Variants in KCNMB2 observed in about 807,000 individuals in gnomAD.
KCNMB2 encodes calcium-activated potassium channel subunit beta-2.
Under a neutral mutation model 24.5 loss-of-function variants are expected in KCNMB2, and 9 were observed. That is an observed-to-expected ratio of 0.37 (90% CI 0.22 to 0.64). KCNMB2 has a LOEUF of 0.64. Among genes scored for constraint, KCNMB2 ranks in the 30% least tolerant of loss-of-function variants. KCNMB2 has a pLI of 0.63. For synonymous variants in KCNMB2, 109 were observed against 104.4 expected (o/e 1.04, Z -0.27); for missense variants, 226 against 284.3 (o/e 0.79, Z 1.47).
intron 1 of KCNMB2, among the ~76,000 whole-genome samples, chr3:178,703,218 C>G (rs1348419564): frequency 6.6e-6 from 1 of 151,920 alleles, no homozygotes; most frequent in South Asian, 2.1e-4. Context: ...TGCTAAGTGC[C>G]GAATACATTC....
chr3:178,814,731 A>G (rs962558156), intron 2 of KCNMB2, among the ~76,000 whole-genome samples: 9 of 152,138 alleles, frequency 5.9e-5, no homozygotes, highest in Admixed American at 4.6e-4. Flanking sequence ...AATGTTGAGT[A>G]CTTTTTCATG....
chr3:178,620,272 T>C (rs1461692295), intron 1 of KCNMB2, among the ~76,000 whole-genome samples: 1 of 152,136 alleles, frequency 6.6e-6, no homozygotes, highest in African/African-American at 2.4e-5. Context: ...GCCAAAATGC[T>C]AATAGCTGGA....
At chr3:178,587,224 T>A (rs1014656726) in intron 1 of KCNMB2, among the ~76,000 whole-genome samples, 2 of 152,094 alleles carry the variant, frequency 1.3e-5, no homozygotes, top group Non-Finnish European at 2.9e-5. Flanking sequence ...TCCAATCTAC[T>A]AGGAAAAATC....
intron 1 of KCNMB2, among the ~76,000 whole-genome samples, chr3:178,672,504 G>A (rs1415901425): frequency 6.6e-6 from 1 of 152,188 alleles, no homozygotes; most frequent in Non-Finnish European, 1.5e-5. Context: ...TAAAGAGCTT[G>A]TAGTTGGATA....
intron 1 of KCNMB2, among the ~76,000 whole-genome samples, chr3:178,747,746 G>A (rs976398306): frequency 4.0e-5 from 6 of 151,656 alleles, no homozygotes; most frequent in East Asian, 1.9e-4. Flanking sequence ...TCCTAACTTC[G>A]GCTCACCAAG....
intron 1 of KCNMB2, among the ~76,000 whole-genome samples, chr3:178,545,982 T>TTGG (rs1413387850): frequency 3.3e-5 from 5 of 152,212 alleles, no homozygotes; most frequent in African/African-American, 1.2e-4. Flanking sequence ...GGAACAGCCA[T>TTGG]GTGAGGCTCT....
chr3:178,658,118 C>T (rs1169267225), intron 1 of KCNMB2, among the ~76,000 whole-genome samples: 2 of 152,132 alleles, frequency 1.3e-5, no homozygotes, highest in Admixed American at 1.3e-4. Flanking sequence ...GAATCCCATC[C>T]AGCTTAAATG....
chr3:178,745,699 TG>T (rs1219988342), intron 1 of KCNMB2, among the ~76,000 whole-genome samples: 2 of 152,204 alleles, frequency 1.3e-5, no homozygotes, highest in Admixed American at 6.5e-5. Flanking sequence ...CTAGATACAA[TG>T]GGGGTACAGC....
chr3:178,641,481 C>T (rs1191522708), intron 1 of KCNMB2, among the ~76,000 whole-genome samples: 2 of 151,960 alleles, frequency 1.3e-5, no homozygotes, highest in African/African-American at 4.8e-5. Context: ...TTGTTTATTG[C>T]TAGTAAAAGG....
chr3:178,739,782 A>G (rs1399374743), intron 1 of KCNMB2, among the ~76,000 whole-genome samples: 1 of 152,184 alleles, frequency 6.6e-6, no homozygotes, highest in Non-Finnish European at 1.5e-5. Context: ...AAGTAGGCCT[A>G]AAGCATAAAA....
intron 1 of KCNMB2, among the ~76,000 whole-genome samples, chr3:178,653,766 T>C (rs9876689): frequency 0.14 from 21,234 of 152,094 alleles, 1,622 homozygotes; most frequent in Middle Eastern, 0.26. Flanking sequence ...AATTATAATT[T>C]TCATAAAATA....
At chr3:178,710,797 T>C (rs141563222) in intron 1 of KCNMB2, among the ~76,000 whole-genome samples, 107 of 152,316 alleles carry the variant, frequency 7.0e-4, no homozygotes, top group African/African-American at 2.5e-3. Flanking sequence ...TATTTTAACA[T>C]TAAACCTCCT....
At chr3:178,664,182 C>T (rs1373069143) in intron 1 of KCNMB2, among the ~76,000 whole-genome samples, 1 of 152,126 alleles carries the variant, frequency 6.6e-6, no homozygotes, top group African/African-American at 2.4e-5. Context: ...CAGGAACTCA[C>T]TGCAGCTAGC....
chr3:178,665,527 T>C (rs1004392735), intron 1 of KCNMB2, among the ~76,000 whole-genome samples: 4 of 152,194 alleles, frequency 2.6e-5, no homozygotes, highest in African/African-American at 9.6e-5. Flanking sequence ...TATTTATAAC[T>C]GCTTAATTTA....
chr3:178,675,646 T>G (rs1721046969), intron 1 of KCNMB2, among the ~76,000 whole-genome samples: 1 of 152,212 alleles, frequency 6.6e-6, no homozygotes, highest in Admixed American at 6.5e-5. Flanking sequence ...TTCTTGGAAA[T>G]GCACATCTAA....
chr3:178,577,779 A>G (rs570416159), intron 1 of KCNMB2, among the ~76,000 whole-genome samples: 11 of 152,324 alleles, frequency 7.2e-5, no homozygotes, highest in African/African-American at 2.6e-4. Context: ...AGGATATCAG[A>G]GATTGAAGAT....
chr3:178,759,723 TATACAC>T (rs1228423163), intron 1 of KCNMB2, among the ~76,000 whole-genome samples: 2 of 83,854 alleles, frequency 2.4e-5, no homozygotes, highest in Non-Finnish European at 2.4e-5. Context: ...AGAGGATATA[TATACAC>T]ATATATATAT....
At chr3:178,612,406 A>G (rs976819000) in intron 1 of KCNMB2, among the ~76,000 whole-genome samples, 2 of 152,018 alleles carry the variant, frequency 1.3e-5, no homozygotes, top group Non-Finnish European at 2.9e-5. Flanking sequence ...TTTCCTTTCT[A>G]TATCTGGGTG....
chr3:178,841,057 C>A (rs1419737113), intron 4 of KCNMB2, among the ~76,000 whole-genome samples: 2 of 152,210 alleles, frequency 1.3e-5, no homozygotes, highest in Non-Finnish European at 2.9e-5. Context: ...CAAGAAAAGC[C>A]AGGTCACCTC....
Sources: gnomAD v4.1 joint callset for allele counts (sites outside exome capture counted in the v4.1 genomes callset) on GRCh38, gnomAD v4.1.1 for gene constraint, MANE v1.5 for transcripts, NCBI Gene and HGNC (gene_info 2026-07-23, HGNC 2026-07-21) for gene names.